The following NAALADL2 variants were observed in gnomAD, a reference collection of about 807,000 sequenced individuals.
NAALADL2 encodes inactive N-acetylated-alpha-linked acidic dipeptidase-like protein 2.
A neutral mutation model predicts 87.2 loss-of-function variants in NAALADL2; 76 were observed. That is an observed-to-expected ratio of 0.87 (90% CI 0.72 to 1.05). NAALADL2 has a LOEUF of 1.05. Ranked by LOEUF, NAALADL2 falls within the 50% of genes least tolerant of loss-of-function variation. The pLI, the probability that NAALADL2 is intolerant of heterozygous loss-of-function variation, is 0.00. For missense variants in NAALADL2, 1,089 were observed against 945.8 expected, an observed-to-expected ratio of 1.15 and a Z score of -1.99; for synonymous variants, 354 against 331.0, an observed-to-expected ratio of 1.07 and a Z score of -0.75.
chr3:175,399,074 C>CT lies in NAALADL2; in HGVS notation c.1091-48147dup, dbSNP rs548342312. 6.6e-5 allele frequency among the ~76,000 whole-genome samples: 10 copies of CT among 151,662 alleles called. No homozygotes were observed. The East Asian group carries it at 1.2e-3, about 18-fold the overall frequency. On this transcript the variant is annotated intron_variant, in intron 5 of 13. Transcript: ENST00000454872. ...AATAAAAAATAAAAAAAAGAGAATA[C>CT]TTTTTTTTAACCTAGGTACTTTCTT...
At chr3:175,426,565 A>G (rs1716817774) in intron 5 of NAALADL2, among the ~76,000 whole-genome samples, 1 of 152,178 alleles carries the variant, frequency 6.6e-6, no homozygotes, top group East Asian at 1.9e-4. Flanking sequence ...ATGCACAGGT[A>G]TGTAGTGTTA....
rs73048922 is a variant in NAALADL2, at chr3:174,979,182, A to G, written c.44-117608A>G. 9.0e-3 allele frequency among the ~76,000 whole-genome samples: 1,362 copies of G among 151,072 alleles called. 25 individuals are homozygous for G. Among genetic ancestry groups the G allele is most frequent in the African/African-American group, 0.031 (1,292 of 41,108 alleles). On this transcript the variant is annotated intron_variant, in intron 1 of 13. Coordinates refer to ENST00000454872, the MANE Select transcript of NAALADL2 (RefSeq NM_207015.3). Reference sequence around the variant, plus strand: ...AGTTCTTATTTTCTTCAGAGTTTTCATGCTCTCTTCTGGAGTCCTCTAAAT... The same window carrying G: ...AGTTCTTATTTTCTTCAGAGTTTTCGTGCTCTCTTCTGGAGTCCTCTAAAT...
At chr3:174,722,560 G>C (rs1207392380) in intron 2 of NAALADL2, among the ~76,000 whole-genome samples, 2 of 152,016 alleles carry the variant, frequency 1.3e-5, no homozygotes, top group African/African-American at 4.8e-5. Flanking sequence ...AAATTAGCCG[G>C]GCGCTGTGGC....
chr3:174,797,119 G>T (rs1718189977), intron 3 of NAALADL2, among the ~76,000 whole-genome samples: 2 of 151,768 alleles, frequency 1.3e-5, no homozygotes, highest in Non-Finnish European at 2.9e-5. Flanking sequence ...AAACTGTCTT[G>T]TGTTCATTTT....
At chr3:174,668,722 T>G (rs1726219106) in intron 2 of NAALADL2, among the ~76,000 whole-genome samples, 1 of 152,226 alleles carries the variant, frequency 6.6e-6, no homozygotes, top group African/African-American at 2.4e-5. Context: ...GTTTCCAGCT[T>G]CATCCATGTC....
chr3:174,888,068 C>G (rs921186308), intron 1 of NAALADL2, among the ~76,000 whole-genome samples: 2 of 152,156 alleles, frequency 1.3e-5, no homozygotes, highest in Non-Finnish European at 2.9e-5. Flanking sequence ...ATAATATTGA[C>G]CTGATTTCTA....
chr3:175,680,242 C>G (rs1341380108), intron 11 of NAALADL2, among the ~76,000 whole-genome samples: 1 of 152,160 alleles, frequency 6.6e-6, no homozygotes, highest in Non-Finnish European at 1.5e-5. Flanking sequence ...GTGATTTTGA[C>G]TGCATAGGAA....
chr3:175,717,427 C>T (rs1741462700), intron 11 of NAALADL2, among the ~76,000 whole-genome samples: 2 of 151,984 alleles, frequency 1.3e-5, no homozygotes, highest in African/African-American at 4.8e-5. Flanking sequence ...TATGATGGCT[C>T]ACACCTGTAA....
intron 2 of NAALADL2, among the ~76,000 whole-genome samples, chr3:174,576,194 G>A (rs564193048): frequency 6.6e-6 from 1 of 152,206 alleles, no homozygotes; most frequent in South Asian, 2.1e-4. Context: ...AATAGATATG[G>A]TTCCTAAACT....
chr3:174,504,362 G>A (rs1028398023), intron 1 of NAALADL2, among the ~76,000 whole-genome samples: 6 of 152,102 alleles, frequency 3.9e-5, no homozygotes, highest in Non-Finnish European at 8.8e-5. Flanking sequence ...TGATACACTG[G>A]GGATATTAAA....
chr3:174,656,161 G>A (rs954224552), intron 2 of NAALADL2, among the ~76,000 whole-genome samples: 3 of 152,142 alleles, frequency 2.0e-5, no homozygotes, highest in Non-Finnish European at 2.9e-5. Flanking sequence ...ATCGGCTACT[G>A]GAGGAAGAAC....
At chr3:175,620,513 A>G (rs1024340931) in intron 10 of NAALADL2, among the ~76,000 whole-genome samples, 8 of 152,258 alleles carry the variant, frequency 5.3e-5, no homozygotes, top group Admixed American at 5.2e-4. Flanking sequence ...TCTTTCTCCC[A>G]TAGTCCACTG....
chr3:175,067,009 A>G (rs957651651), intron 1 of NAALADL2, among the ~76,000 whole-genome samples: 5 of 152,122 alleles, frequency 3.3e-5, no homozygotes, highest in Non-Finnish European at 7.4e-5. Context: ...AGCACTCAAT[A>G]CTGAATCCTC....
intron 2 of NAALADL2, among the ~76,000 whole-genome samples, chr3:174,583,503 T>C (rs964234177): frequency 6.6e-6 from 1 of 152,190 alleles, no homozygotes; most frequent in South Asian, 2.1e-4. Context: ...TGTATGAATA[T>C]AGAACCTATC....
At chr3:174,486,793 T>G (rs2108341025) in intron 1 of NAALADL2, among the ~76,000 whole-genome samples, 1 of 152,108 alleles carries the variant, frequency 6.6e-6, no homozygotes, top group East Asian at 1.9e-4. Flanking sequence ...TCACTGAAAT[T>G]TTTAGCCACT....
chr3:174,947,693 TA>T (rs886675045), intron 1 of NAALADL2, among the ~76,000 whole-genome samples: 16 of 151,270 alleles, frequency 1.1e-4, no homozygotes, highest in Admixed American at 4.0e-4. Context: ...ATACAGGTTT[TA>T]AAAAAAAATC....
intron 9 of NAALADL2, among the ~76,000 whole-genome samples, chr3:175,485,097 A>G (rs186538900): frequency 1.2e-4 from 19 of 152,276 alleles, no homozygotes; most frequent in Non-Finnish European, 2.4e-4. Context: ...TACCTTGACT[A>G]TTGCTTAACC....
At chr3:174,475,724 G>A (rs1351565250) in intron 1 of NAALADL2, among the ~76,000 whole-genome samples, 1 of 151,934 alleles carries the variant, frequency 6.6e-6, no homozygotes, top group Non-Finnish European at 1.5e-5. Flanking sequence ...AATAAAACAC[G>A]ACTTCTTCCT....
chr3:174,990,608 C>T (rs918499283), intron 1 of NAALADL2, among the ~76,000 whole-genome samples: 8 of 151,692 alleles, frequency 5.3e-5, no homozygotes, highest in Admixed American at 1.3e-4. Flanking sequence ...TTTCAAAAGT[C>T]GATAAAAACC....
Sources: gnomAD v4.1 joint callset for allele counts (sites outside exome capture counted in the v4.1 genomes callset) on GRCh38, gnomAD v4.1.1 for gene constraint, MANE v1.5 for transcripts, NCBI Gene and HGNC (gene_info 2026-07-23, HGNC 2026-07-21) for gene names.